XKR9: variants seen among roughly 807,000 people sequenced by gnomAD.
XKR9 encodes the protein XK-related protein 9.
Under a neutral mutation model 32.0 loss-of-function variants are expected in XKR9, and 32 were observed. That is an observed-to-expected ratio of 1.00 (90% CI 0.76 to 1.34). XKR9 has a LOEUF of 1.34. XKR9 is among the 40% of genes most tolerant of loss of function. The pLI, the probability that XKR9 is intolerant of heterozygous loss-of-function variation, is 0.00. For synonymous variants in XKR9, 168 were observed against 143.4 expected, an observed-to-expected ratio of 1.17 and a Z score of -1.22; for missense variants, 546 against 429.7, an observed-to-expected ratio of 1.27 and a Z score of -2.39.
rs1231379549 is a variant in XKR9 at position 70,705,406 on chromosome 8, T to C, written c.273-1527T>C. Reference sequence around the variant, plus strand: ...TATAGGGTAAAGAGATAGAATATGGTAGAGAGTACTACTTTAGGTGGTATG... The same window carrying C: ...TATAGGGTAAAGAGATAGAATATGGCAGAGAGTACTACTTTAGGTGGTATG... On this transcript the variant is annotated intron_variant, in intron 3 of 4. Coordinates refer to ENST00000408926, the MANE Select transcript of XKR9 (RefSeq NM_001011720.2). 2.0e-5 allele frequency among the ~76,000 whole-genome samples: 3 copies of C among 152,136 alleles called. No individual in the cohort carries two copies. In the East Asian group the frequency reaches 5.8e-4, roughly 29 times the overall value.
the XKR9 span, among the ~76,000 whole-genome samples, chr8:70,957,433 G>A: frequency 5.3e-5 from 8 of 151,934 alleles, no homozygotes; most frequent in Admixed American, 1.3e-4. Context: ...GGTTTGTTAC[G>A]TAGTTAAATG....
rs772782418 is a variant in XKR9, at chr8:70,707,068, A to G, written c.408A>G (p.Leu136=). The change falls in exon 4 of 5, where the codon CTA becomes CTG. Residue 136 remains leucine, a synonymous_variant. Transcript: ENST00000408926. ...TGACTGATTTGAGCATGCTCAGACT[A>G]TTTGAGACCTACCTGGAAGGCTGCC... The part of the protein sequence containing the change: ...DRVTDLSMLR[L]FETYLEGCPQ... 6.2e-7 allele frequency: 1 copy of G among 1,613,378 alleles called. No homozygotes were observed. Among genetic ancestry groups the G allele is most frequent in the Non-Finnish European group, 8.5e-7 (1 of 1,179,536 alleles).
chr8:71,059,281 G>T, the XKR9 span, among the ~76,000 whole-genome samples: 1 of 152,174 alleles, frequency 6.6e-6, no homozygotes, highest in East Asian at 1.9e-4. Flanking sequence ...GCCCTCAGGC[G>T]CCAAACCTGC....
the XKR9 span, among the ~76,000 whole-genome samples, chr8:70,852,433 C>A: frequency 6.6e-6 from 1 of 151,738 alleles, no homozygotes; most frequent in Non-Finnish European, 1.5e-5. Context: ...AATCCCATTA[C>A]GGGATTATAA....
chr8:70,949,893 T>A, the XKR9 span, among the ~76,000 whole-genome samples: 1 of 152,180 alleles, frequency 6.6e-6, no homozygotes, highest in Non-Finnish European at 1.5e-5. Flanking sequence ...CTTATAGCAA[T>A]GCTATAAAGA....
chr8:70,744,103 G>A (rs748265382), intron 2 of XKR9, among the ~76,000 whole-genome samples: 1 of 152,036 alleles, frequency 6.6e-6, no homozygotes, highest in African/African-American at 2.4e-5. Flanking sequence ...CTGACGTCAG[G>A]AGTTCAAGAC....
rs71264520 is a variant in XKR9, at chr8:70,741,965, G to GT, written n.352+34824dup. On this transcript the variant is annotated intron_variant and non_coding_transcript_variant, in intron 2 of 3. Coordinates refer to the XKR9 transcript ENST00000520273. ...TCCTCACCAACACGTGTTGTATTCT[G>GT]TTTTTTTTTTTTCTTTTGATAATGG... is the stretch of plus-strand genomic sequence containing the variant. Among the ~76,000 whole-genome samples the GT allele has an allele frequency of 8.9e-3, 1,300 of 146,484 alleles. 11 individuals are homozygous for GT. Among genetic ancestry groups the GT allele is most frequent in the East Asian group, 0.027 (130 of 4,876 alleles).
chr8:70,745,625 C>T (rs978779146), intron 2 of XKR9, among the ~76,000 whole-genome samples: 2 of 152,128 alleles, frequency 1.3e-5, no homozygotes, highest in Non-Finnish European at 2.9e-5. Flanking sequence ...CTGCTGTTCT[C>T]CCCTCCCTTC....
the XKR9 span, among the ~76,000 whole-genome samples, chr8:70,867,522 G>T: frequency 6.6e-6 from 1 of 152,114 alleles, no homozygotes; most frequent in Non-Finnish European, 1.5e-5. Flanking sequence ...CACCATCTTG[G>T]CTCACTGCAA....
the XKR9 span, among the ~76,000 whole-genome samples, chr8:71,055,637 T>G: frequency 6.6e-6 from 1 of 152,190 alleles, no homozygotes; most frequent in South Asian, 2.1e-4. Flanking sequence ...AGTAATATGG[T>G]GATTGAACAC....
chr8:70,911,446 T>C, the XKR9 span, among the ~76,000 whole-genome samples: 2 of 152,204 alleles, frequency 1.3e-5, no homozygotes, highest in African/African-American at 2.4e-5. Flanking sequence ...TTATCACTTA[T>C]TAAATATTTA....
chr8:70,811,746 A>T, the XKR9 span, among the ~76,000 whole-genome samples: 1 of 152,236 alleles, frequency 6.6e-6, no homozygotes, highest in Admixed American at 6.5e-5. Context: ...ACCAGGAAGA[A>T]GTTGAATCTC....
chr8:70,688,640 T>A (rs1819395199), intron 3 of XKR9, among the ~76,000 whole-genome samples: 1 of 151,682 alleles, frequency 6.6e-6, no homozygotes, highest in Admixed American at 6.6e-5. Flanking sequence ...ATGGTCTTGA[T>A]CTCCTGACCT....
the XKR9 span, among the ~76,000 whole-genome samples, chr8:70,811,080 A>C: frequency 6.6e-6 from 1 of 152,214 alleles, no homozygotes; most frequent in African/African-American, 2.4e-5. Flanking sequence ...CAGAAATTAT[A>C]ACAAACTGTC....
At chr8:70,848,027 AG>A in the XKR9 span, among the ~76,000 whole-genome samples, 3 of 152,150 alleles carry the variant, frequency 2.0e-5, no homozygotes, top group Non-Finnish European at 4.4e-5. Context: ...AGAAAATTAC[AG>A]GCTAATATCA....
intron 3 of XKR9, among the ~76,000 whole-genome samples, chr8:70,691,473 T>C (rs1805066945): frequency 6.6e-6 from 1 of 152,214 alleles, no homozygotes; most frequent in Non-Finnish European, 1.5e-5. Flanking sequence ...GTCTTCATCA[T>C]GAAATCTTTG....
chr8:70,716,109 A>G (rs1461843772), intron 4 of XKR9, among the ~76,000 whole-genome samples: 1 of 152,114 alleles, frequency 6.6e-6, no homozygotes, highest in African/African-American at 2.4e-5. Context: ...GGTGTTCTAA[A>G]AAACCAGAAA....
chr8:70,842,575 C>T, the XKR9 span, among the ~76,000 whole-genome samples: 1 of 151,690 alleles, frequency 6.6e-6, no homozygotes, highest in Non-Finnish European at 1.5e-5. Flanking sequence ...CACACACACA[C>T]ACATTCTGAA....
downstream of XKR9, among the ~76,000 whole-genome samples, chr8:70,739,671 A>T (rs1470350583): frequency 6.6e-6 from 1 of 152,136 alleles, no homozygotes; most frequent in East Asian, 1.9e-4. Flanking sequence ...TGGTGGTGAC[A>T]AAATCTCTCA....
Sources: gnomAD v4.1 joint callset for allele counts (sites outside exome capture counted in the v4.1 genomes callset) on GRCh38, gnomAD v4.1.1 for gene constraint, MANE v1.5 for transcripts, NCBI Gene and HGNC (gene_info 2026-07-23, HGNC 2026-07-21) for gene names.